RARB: variants seen among roughly 807,000 people sequenced by gnomAD.
RARB encodes retinoic acid receptor beta, also known as HBV-activated protein.
Under a neutral mutation model 51.9 loss-of-function variants are expected in RARB, and 17 were observed. The ratio of observed to expected loss-of-function variants is 0.33; its 90% CI spans 0.22 to 0.49. The LOEUF is 0.49. RARB is among the 20% of genes least tolerant of loss of function. RARB has a pLI of 0.99. For missense variants in RARB, 369 were observed against 550.8 expected, an observed-to-expected ratio of 0.67 and a Z score of 3.30; for synonymous variants, 215 against 195.4, an observed-to-expected ratio of 1.10 and a Z score of -0.84.
At chr3:25,300,472 T>C (rs1346626851) in intron 5 of RARB, among the ~76,000 whole-genome samples, 2 of 152,186 alleles carry the variant, frequency 1.3e-5, no homozygotes, top group Admixed American at 1.3e-4. Context: ...GATATCCTTT[T>C]TGATCCATTG....
chr3:24,911,381 T>C (rs1291956542), intron 2 of RARB, among the ~76,000 whole-genome samples: 1 of 152,190 alleles, frequency 6.6e-6, no homozygotes, highest in South Asian at 2.1e-4. Flanking sequence ...GGTACAAACT[T>C]TTAATAACTT....
In RARB at chr3:25,092,635, T is replaced by TC. The variant is rs923534262; in HGVS notation, c.-328+32461dup. Among the ~76,000 whole-genome samples the TC allele has an allele frequency of 1.7e-3, 255 of 152,316 alleles. 5 individuals are homozygous for TC. Among genetic ancestry groups the TC allele is most frequent in the Non-Finnish European group, 6.3e-4 (43 of 68,028 alleles). ...CAAATTACATGTTTGCTCTTTTTTT[T>TC]CCAGAAAAGAATGTGGGAGATTTTT... On this transcript the variant is annotated intron_variant, in intron 3 of 11. Coordinates refer to the RARB transcript ENST00000383772.
At chr3:25,431,980 C>T (rs1252894339) in intron 1 of RARB, among the ~76,000 whole-genome samples, 1 of 152,012 alleles carries the variant, frequency 6.6e-6, no homozygotes, top group Non-Finnish European at 1.5e-5. Flanking sequence ...TGACAGCCAC[C>T]GTATGAATTG....
chr3:24,980,176 A>G (rs1438894673), intron 2 of RARB, among the ~76,000 whole-genome samples: 1 of 152,112 alleles, frequency 6.6e-6, no homozygotes, highest in African/African-American at 2.4e-5. Context: ...AGGTAACCTG[A>G]CCTTTCTCTC....
chr3:25,291,476 CTTT>C (rs199605013), intron 5 of RARB, among the ~76,000 whole-genome samples: 9 of 125,340 alleles, frequency 7.2e-5, no homozygotes, highest in East Asian at 2.3e-4. Context: ...CAGATGTTTG[CTTT>C]TTTTTTTTTT....
chr3:25,299,572 A>AT (rs1324783999), intron 5 of RARB, among the ~76,000 whole-genome samples: 1 of 152,050 alleles, frequency 6.6e-6, no homozygotes, highest in African/African-American at 2.4e-5. Context: ...GCCTGGTATG[A>AT]TTTTCTTCAT....
At chr3:25,064,804 G>A (rs1575143149) in intron 3 of RARB, among the ~76,000 whole-genome samples, 2 of 152,302 alleles carry the variant, frequency 1.3e-5, no homozygotes, top group East Asian at 3.9e-4. Context: ...ATATGGGTCA[G>A]CTTTCCCAGG....
At chr3:25,021,413 T>A (rs1274539867) in intron 2 of RARB, among the ~76,000 whole-genome samples, 1 of 151,956 alleles carries the variant, frequency 6.6e-6, no homozygotes, top group Non-Finnish European at 1.5e-5. Context: ...TACCATAAGA[T>A]CTCTGCTTGT....
intron 3 of RARB, among the ~76,000 whole-genome samples, chr3:25,543,534 T>TG (rs1171349867): frequency 6.6e-6 from 1 of 152,130 alleles, no homozygotes; most frequent in African/African-American, 2.4e-5. Flanking sequence ...TCATTCTGGG[T>TG]GGTTGGCCAA....
At chr3:25,159,343 G>A (rs942659408) in intron 4 of RARB, among the ~76,000 whole-genome samples, 11 of 150,010 alleles carry the variant, frequency 7.3e-5, no homozygotes, top group African/African-American at 2.7e-4. Context: ...CTAATTTTGT[G>A]TTTTTAGTAG....
In RARB at chr3:25,524,101, G is replaced by A. The variant is rs141944003; in HGVS notation, c.448+22778G>A. ...CTAGGAAGGAATTTGTTTAAAAAGC[G>A]CAAGAAATTCTTGAAGTATCCAAGA... On this transcript the variant is annotated intron_variant, in intron 3 of 7. Coordinates refer to ENST00000330688, the MANE Select transcript of RARB (RefSeq NM_000965.5). Among the ~76,000 whole-genome samples the A allele has an allele frequency of 4.0e-3, 613 of 152,284 alleles. 3 individuals are homozygous for A. Among genetic ancestry groups the A allele is most frequent in the African/African-American group, 0.014 (568 of 41,566 alleles).
intron 3 of RARB, among the ~76,000 whole-genome samples, chr3:25,130,918 T>C (rs1342435862): frequency 4.7e-5 from 1 of 21,402 alleles, no homozygotes; most frequent in African/African-American, 1.9e-4. Flanking sequence ...GATAATATTA[T>C]CAATATTTAT....
intron 2 of RARB, 152 bp downstream of exon 2, chr3:25,461,493 C>A: frequency 1.1e-6 from 1 of 908,724 alleles, no homozygotes; most frequent in Non-Finnish European, 1.6e-6. Context: ...TTATTACTTC[C>A]TTATATATCT....
chr3:25,371,350 T>C (rs1431347698), intron 5 of RARB, among the ~76,000 whole-genome samples: 1 of 152,200 alleles, frequency 6.6e-6, no homozygotes, highest in Non-Finnish European at 1.5e-5. Flanking sequence ...CCATTCAACC[T>C]ACTACAGTGC....
chr3:25,434,043 T>C (rs951911160), intron 1 of RARB, among the ~76,000 whole-genome samples: 1 of 152,114 alleles, frequency 6.6e-6, no homozygotes, highest in Non-Finnish European at 1.5e-5. Context: ...TTTAGTAAGA[T>C]AAGACTCTCT....
At chr3:24,978,959 T>C (rs555912736) in intron 2 of RARB, among the ~76,000 whole-genome samples, 47 of 152,330 alleles carry the variant, frequency 3.1e-4, no homozygotes, top group African/African-American at 1.1e-3. Flanking sequence ...GTGTCTTTGT[T>C]CTCATTGGTT....
rs137903628 is a variant in RARB, at chr3:25,279,726, T to C, written c.178+105151T>C. Among the ~76,000 whole-genome samples, 11 of 152,272 alleles carry C rather than the reference T, an allele frequency of 7.2e-5. No individual in the cohort carries two copies. The East Asian group carries it at 2.1e-3, about 29-fold the overall frequency. On this transcript the variant is annotated intron_variant, in intron 5 of 11. Coordinates refer to the RARB transcript ENST00000383772. ...ATGAAGAATGAGAAGGTCTTGGTGG[T>C]GAGGATGGTTGAGGACTAGTGATAT...
chr3:25,569,768 T>C lies in RARB; in HGVS notation c.459T>C (p.Asn153=). 6.2e-7 allele frequency: 1 copy of C among 1,613,714 alleles called. No homozygotes were observed. The highest frequency in any genetic ancestry group is 1.1e-5 in the South Asian group (1 of 91,028). The change falls in exon 4 of 8, where the codon AAT becomes AAC. Residue 153 remains asparagine, a synonymous_variant. Transcript: ENST00000330688. ...EVGMSKESVR[N]DRNKKKKETS... is the part of the protein sequence containing the mutation. ...CTCTCTCGTTTCCAGCTGTCAGGAA[T>C]GACAGGAACAAGAAAAAGAAGGAGA...
chr3:25,433,855 A>G (rs1708309213), intron 1 of RARB, among the ~76,000 whole-genome samples: 1 of 152,164 alleles, frequency 6.6e-6, no homozygotes, highest in South Asian at 2.1e-4. Flanking sequence ...AACCCCTTTA[A>G]ATGAATGAAA....
Sources: allele counts gnomAD v4.1 joint callset (sites outside exome capture counted in the v4.1 genomes callset), GRCh38; gene constraint gnomAD v4.1.1; transcripts MANE v1.5; gene names NCBI Gene and HGNC (gene_info 2026-07-23, HGNC 2026-07-21).